The following STIL variants were observed in gnomAD, a reference collection of about 807,000 sequenced individuals.
The protein encoded by STIL is SCL-interrupting locus protein.
STIL carries 55 observed loss-of-function variants against 110.1 expected under a neutral mutation model. That is an observed-to-expected ratio of 0.50 (90% CI 0.40 to 0.63). The LOEUF (loss-of-function observed/expected upper bound fraction) is 0.63. Ranked by LOEUF, STIL falls within the 20% of genes least tolerant of loss-of-function variation. STIL has a pLI of 0.00. For missense variants in STIL, 1,358 were observed against 1,530.0 expected (o/e 0.89, Z 1.87); for synonymous variants, 481 against 530.0 (o/e 0.91, Z 1.27).
chr1:47,270,170 C>T lies in STIL; in HGVS notation c.2384-304G>A, dbSNP rs953252519. Among the ~76,000 whole-genome samples, 5 of 147,188 alleles carry T rather than the reference C, an allele frequency of 3.4e-5. 1 individual carries two copies. Among genetic ancestry groups the T allele is most frequent in the Non-Finnish European group, 7.4e-5 (5 of 67,346 alleles). ...GTAAGATCACTTGAGCCCAGGAGGTCGATGCTGCAATGAGCTGTGATTGTG... is the reference window on the plus strand; with the variant it reads ...GTAAGATCACTTGAGCCCAGGAGGTTGATGCTGCAATGAGCTGTGATTGTG... On this transcript the variant is annotated intron_variant, in intron 13 of 16. Coordinates refer to ENST00000371877, the MANE Select transcript of STIL (RefSeq NM_001048166.1).
At chr1:47,266,037 A>C (rs1020286066) in intron 14 of STIL, among the ~76,000 whole-genome samples, 2 of 152,084 alleles carry the variant, frequency 1.3e-5, no homozygotes, top group Non-Finnish European at 2.9e-5. Context: ...CAAAGTGCTA[A>C]GATTACAGGC....
At chr1:47,300,233 A>G (rs1027908718) in intron 5 of STIL, 81 bp from the exon 6 acceptor site, 1 of 1,286,754 alleles carries the variant, frequency 7.8e-7, no homozygotes, top group Non-Finnish European at 1.1e-6. Flanking sequence ...ACTGATACAT[A>G]TACATATATA....
Position 47,287,565 on chromosome 1 carries a change from A to C in STIL, c.1119T>G (p.Asn373Lys), listed in dbSNP as rs1220334481. The C allele has an allele frequency of 2.5e-6, 4 of 1,610,466 alleles. No homozygotes were observed. In the East Asian group the frequency reaches 6.7e-5, roughly 27 times the overall value. Residue 373 changes from asparagine (N) to lysine (K), a missense_variant, in exon 10 of 17, where the codon AAT becomes AAG. Asn to Lys is a moderately conservative substitution (Grantham distance 94, BLOSUM62 0). Transcript: ENST00000371877. Reference sequence around the variant, plus strand: ...AGATCTTTTACCTCTTAATTGAAAAATTCTTGGAAGCCTTACTGAAAAACT... The same window carrying C: ...AGATCTTTTACCTCTTAATTGAAAACTTCTTGGAAGCCTTACTGAAAAACT... Reference protein sequence around the residue: ...ETEFFSKASKNFSIKRSSQKL... With the variant: ...ETEFFSKASKKFSIKRSSQKL...
chr1:47,257,590 C>T (rs1470364892), intron 16 of STIL, among the ~76,000 whole-genome samples: 1 of 152,154 alleles, frequency 6.6e-6, no homozygotes, highest in Non-Finnish European at 1.5e-5. Context: ...TATTTTTGGT[C>T]TTAATTAGTA....
In STIL at chr1:47,272,390, A is replaced by G. The variant is rs147327062; in HGVS notation, c.2218-149T>C. Reference sequence around the variant, plus strand: ...AATTTCAACTAGACCATACCATGAAACTTATTCAATATAGAAAGCCATTAT... The same window carrying G: ...AATTTCAACTAGACCATACCATGAAGCTTATTCAATATAGAAAGCCATTAT... On this transcript the variant is annotated intron_variant, in intron 12 of 16. Coordinates refer to ENST00000371877, the MANE Select transcript of STIL (RefSeq NM_001048166.1). The G allele has an allele frequency of 2.7e-4, 212 of 780,418 alleles. No homozygotes were observed. In the African/African-American group the frequency reaches 3.3e-3, roughly 12 times the overall value. The allele number at this position is 780,418 out of a possible 1,614,324, so 48.3% of individuals were successfully genotyped here.
intron 5 of STIL, among the ~76,000 whole-genome samples, chr1:47,300,529 T>C (rs922063391): frequency 9.2e-5 from 14 of 151,898 alleles, no homozygotes; most frequent in African/African-American, 3.4e-4. Flanking sequence ...AGTGCAGTGG[T>C]GCGATCTCAG....
At position 47,300,155 on chromosome 1, in the gene STIL, G is replaced by A; in HGVS notation, c.454-3C>T. The A allele has an allele frequency of 6.2e-7, 1 of 1,612,226 alleles. No individual in the cohort carries two copies. Among genetic ancestry groups the A allele is most frequent in the Non-Finnish European group, 8.5e-7 (1 of 1,179,418 alleles). ...CTACATATATGGCACTGTAGAGCCT[G>A]AGAAATCAATATTAAATAATTATTT... On this transcript the variant is annotated splice_region_variant and splice_polypyrimidine_tract_variant and intron_variant, in intron 5 of 16. Coordinates refer to ENST00000371877, the MANE Select transcript of STIL (RefSeq NM_001048166.1).
chr1:47,308,749 A>T (rs1646039377), intron 2 of STIL, among the ~76,000 whole-genome samples: 2 of 152,128 alleles, frequency 1.3e-5, no homozygotes, highest in African/African-American at 4.8e-5. Context: ...AAAGTAATAA[A>T]TAATAACATT....
chr1:47,260,215 G>T, intron 16 of STIL, 74 bp downstream of exon 16: 2 of 1,417,934 alleles, frequency 1.4e-6, no homozygotes. Context: ...TCTAGCCAAT[G>T]ATGGGCAAAA....
At chr1:47,309,804 C>G (rs1375269780) in intron 2 of STIL, among the ~76,000 whole-genome samples, 1 of 152,112 alleles carries the variant, frequency 6.6e-6, no homozygotes, top group African/African-American at 2.4e-5. Flanking sequence ...ACTTGGTATA[C>G]CTAATGTGAA....
chr1:47,251,232 C>T lies in STIL; in HGVS notation c.3771G>A (p.Leu1257=). The T allele has an allele frequency of 6.2e-7, 1 of 1,611,240 alleles. No homozygotes were observed. The stretch of plus-strand genomic sequence containing the variant: ...TCTGCTTTAGCGTTTCAGAAGGTTG[C>T]AAACTTTCAGGAAAAATTGTAATGT... ...EGDITIFPES[L]QPSETLKQMN... is the part of the protein sequence containing the mutation. Residue 1257 remains leucine, a synonymous_variant, in exon 17 of 17, where the codon TTG becomes TTA. Coordinates refer to ENST00000371877, the MANE Select transcript of STIL (RefSeq NM_001048166.1).
rs752625227 is a variant in STIL, at chr1:47,289,630, T to C, written c.873-45A>G. 1.7e-5 allele frequency: 26 copies of C among 1,525,838 alleles called. No individual in the cohort carries two copies. The South Asian group carries it at 2.4e-4, about 14-fold the overall frequency. 94.5% of individuals were successfully genotyped at this position (1,525,838 alleles called of 1,614,324 possible). ...TAATTAAAATTTAATGAGGATAACA[T>C]GATGACACTCAAATAACTTCATGTG... On this transcript the variant is annotated intron_variant, in intron 8 of 16. Transcript: ENST00000371877.
At chr1:47,304,090 T>A (rs1235726960) in intron 3 of STIL, among the ~76,000 whole-genome samples, 1 of 152,072 alleles carries the variant, frequency 6.6e-6, no homozygotes, top group East Asian at 1.9e-4. Flanking sequence ...TGAGGTTGCA[T>A]AAATAAGTAC....
chr1:47,300,661 G>T (rs1645779446), intron 5 of STIL, among the ~76,000 whole-genome samples: 1 of 152,020 alleles, frequency 6.6e-6, no homozygotes, highest in African/African-American at 2.4e-5. Context: ...TAGAGACAAG[G>T]TTTCACCATG....
At chr1:47,285,682 T>C (rs1182752038) in intron 10 of STIL, among the ~76,000 whole-genome samples, 1 of 151,936 alleles carries the variant, frequency 6.6e-6, no homozygotes, top group East Asian at 1.9e-4. Context: ...GGTCTCCAAG[T>C]CCCGAGACTC....
chr1:47,289,803 C>T lies in STIL; in HGVS notation c.873-218G>A, dbSNP rs77930173. Among the ~76,000 whole-genome samples, 196 of 152,076 alleles carry T rather than the reference C, an allele frequency of 1.3e-3. 1 individual carries two copies. Among genetic ancestry groups the T allele is most frequent in the African/African-American group, 4.6e-3 (189 of 41,486 alleles). On this transcript the variant is annotated intron_variant, in intron 8 of 16. Coordinates refer to ENST00000371877, the MANE Select transcript of STIL (RefSeq NM_001048166.1). ...TTGTCAACATAGTGAGACCCTTCCTCTCTACAAAACAAAATTTTATTTTAT... is the reference window on the plus strand; with the variant it reads ...TTGTCAACATAGTGAGACCCTTCCTTTCTACAAAACAAAATTTTATTTTAT...
At chr1:47,305,275 AC>A (rs1371856411) in intron 2 of STIL, 1 of 321,788 alleles carries the variant, frequency 3.1e-6, no homozygotes, top group Non-Finnish European at 5.7e-6. Flanking sequence ...ACAGGAGTGC[AC>A]CACCACACCC....
chr1:47,279,265 A>G (rs376761896), intron 12 of STIL, among the ~76,000 whole-genome samples: 1 of 147,202 alleles, frequency 6.8e-6, no homozygotes. Context: ...CCTGGGCGAC[A>G]GAGAAATACT....
intron 2 of STIL, among the ~76,000 whole-genome samples, chr1:47,309,012 A>C (rs1570302212): frequency 6.6e-6 from 1 of 151,802 alleles, no homozygotes; most frequent in Non-Finnish European, 1.5e-5. Context: ...AGATGGCGCC[A>C]CTGCCCTCCA....
Sources: gnomAD v4.1 joint callset for allele counts (sites outside exome capture counted in the v4.1 genomes callset) on GRCh38, gnomAD v4.1.1 for gene constraint, MANE v1.5 for transcripts, NCBI Gene and HGNC (gene_info 2026-07-23, HGNC 2026-07-21) for gene names.